The following MLLT10 variants were observed in gnomAD, a reference collection of about 807,000 sequenced individuals.
MLLT10 encodes the protein protein AF-10.
MLLT10 carries 30 observed loss-of-function variants against 129.1 expected under a neutral mutation model. That is an observed-to-expected ratio of 0.23 (90% CI 0.17 to 0.32). The LOEUF is 0.32. Among genes scored for constraint, MLLT10 ranks in the 10% least tolerant of loss-of-function variants. The pLI, the probability that MLLT10 is intolerant of heterozygous loss-of-function variation, is 1.00. For synonymous variants in MLLT10, 490 were observed against 446.4 expected, an observed-to-expected ratio of 1.10 and a Z score of -1.23; for missense variants, 1,119 against 1,268.3, an observed-to-expected ratio of 0.88 and a Z score of 1.79.
Position 21,673,386 on chromosome 10 carries a change from C to A in MLLT10, c.1088C>A (p.Ser363Tyr). Residue 363 changes from serine to tyrosine, a missense_variant, in exon 11 of 23, where the codon TCT becomes TAT. Transcript: ENST00000307729. ...GGAACTCCAGGCAGTGTAAAGTCAT[C>A]TTCTGGAAGTTCAGTGCAGTCTCCC... ...FSGTPGSVKS[S>Y]SGSSVQSPQD... 2 of 1,338,312 alleles carry A rather than the reference C, an allele frequency of 1.5e-6. No individual in the cohort carries two copies. Among genetic ancestry groups the A allele is most frequent in the Non-Finnish European group, 2.0e-6 (2 of 1,021,644 alleles). 82.9% of individuals were successfully genotyped at this position (1,338,312 alleles called of 1,614,324 possible). A position where few individuals can be genotyped will look rare whatever the true frequency, so the allele number is the denominator to read the frequency against.
upstream of MLLT10, chr10:21,534,114 G>A (rs1415301221): frequency 6.8e-6 from 2 of 294,994 alleles, no homozygotes; most frequent in Non-Finnish European, 6.3e-6. Flanking sequence ...GGCGAGCGGC[G>A]CGGGGGAGGG....
chr10:21,664,486 A>G (rs1276764400), intron 9 of MLLT10, among the ~76,000 whole-genome samples: 1 of 151,706 alleles, frequency 6.6e-6, no homozygotes, highest in African/African-American at 2.4e-5. Flanking sequence ...TAGTAGGGAC[A>G]GGGTTTCACC....
At chr10:21,586,716 G>A (rs1018795399) in intron 4 of MLLT10, among the ~76,000 whole-genome samples, 8 of 151,952 alleles carry the variant, frequency 5.3e-5, no homozygotes, top group Non-Finnish European at 1.2e-4. Flanking sequence ...GTGAAACCTG[G>A]TTTCTACTAA....
chr10:21,682,115 A>G, intron 12 of MLLT10, 110 bp from the exon 13 acceptor site: 4 of 813,386 alleles, frequency 4.9e-6, no homozygotes, highest in South Asian at 3.9e-5. Context: ...ACAATGATAT[A>G]TGATAGACTT....
intron 13 of MLLT10, among the ~76,000 whole-genome samples, chr10:21,685,057 A>G (rs1172535068): frequency 6.6e-6 from 1 of 151,770 alleles, no homozygotes; most frequent in Admixed American, 6.6e-5. Context: ...GGGTTCTCAT[A>G]TGTGATGTTC....
At chr10:21,551,730 GT>G in intron 3 of MLLT10, 1 of 350,886 alleles carries the variant, frequency 2.8e-6, no homozygotes, top group Non-Finnish European at 5.4e-6. Flanking sequence ...TATGGTATCT[GT>G]TTATTCTGTT....
In MLLT10 at chr10:21,723,290, A is replaced by T. The variant is rs1413794475; in HGVS notation, c.1879-2954A>T. Among the ~76,000 whole-genome samples, 3 of 152,192 alleles carry T rather than the reference A, an allele frequency of 2.0e-5. No individual in the cohort carries two copies. The East Asian group carries it at 5.8e-4, about 29-fold the overall frequency. ...ATAATTCAGAGACTAGATCAAGAAA[A>T]TGCCACCCCTCTGAAATTTGAAGCT... On this transcript the variant is annotated intron_variant, in intron 14 of 22. Transcript: ENST00000307729.
intron 3 of MLLT10, among the ~76,000 whole-genome samples, chr10:21,576,545 T>C (rs2040771393): frequency 6.6e-6 from 1 of 151,960 alleles, no homozygotes; most frequent in African/African-American, 2.4e-5. Context: ...GGCCATTCCA[T>C]TTACTTTTGA....
chr10:21,662,634 T>C (rs1016899772), intron 9 of MLLT10, among the ~76,000 whole-genome samples: 2 of 152,210 alleles, frequency 1.3e-5, no homozygotes, highest in African/African-American at 4.8e-5. Context: ...ATATTAATTA[T>C]AGATTTCAAA....
intron 2 of MLLT10, among the ~76,000 whole-genome samples, chr10:21,538,154 ATTT>A (rs747900217): frequency 2.3e-5 from 3 of 132,736 alleles, no homozygotes; most frequent in Admixed American, 7.6e-5. Flanking sequence ...TGCCCAGCTA[ATTT>A]TTTTTTTTTT....
chr10:21,604,980 G>A lies in MLLT10; in HGVS notation c.406-7368G>A, dbSNP rs138859515. The stretch of plus-strand genomic sequence containing the variant: ...GATGAGCTTACATTCTGATAAGGCA[G>A]GAGTATTATTTGAGTCCAGGAGTTT... On this transcript the variant is annotated intron_variant, in intron 5 of 22. Coordinates refer to ENST00000307729, the MANE Select transcript of MLLT10 (RefSeq NM_001195626.3). Among the ~76,000 whole-genome samples, 358 of 151,266 alleles carry A rather than the reference G, an allele frequency of 2.4e-3. 1 individual carries two copies. The highest frequency in any genetic ancestry group is 4.2e-3 in the Non-Finnish European group (282 of 67,894).
At chr10:21,636,118 T>TTTG (rs942457642) in intron 8 of MLLT10, among the ~76,000 whole-genome samples, 4 of 151,846 alleles carry the variant, frequency 2.6e-5, no homozygotes, top group East Asian at 1.9e-4. Context: ...TTGCATGGGT[T>TTTG]TTGTTGTTGT....
At position 21,592,817 on chromosome 10, in the gene MLLT10, A is replaced by G. The variant is rs566775254; in HGVS notation, c.296-2514A>G. Among the ~76,000 whole-genome samples the G allele has an allele frequency of 2.6e-5, 4 of 152,188 alleles. No individual in the cohort carries two copies. The South Asian group carries it at 8.3e-4, about 32-fold the overall frequency. On this transcript the variant is annotated intron_variant, in intron 4 of 22. Coordinates refer to ENST00000307729, the MANE Select transcript of MLLT10 (RefSeq NM_001195626.3). ...TGTATGTCTTTATTTACTCTGATTT[A>G]TAGTGGTTCTTCAGTCAGTGGCTTT...
At chr10:21,616,802 T>G (rs1334326416) in intron 7 of MLLT10, among the ~76,000 whole-genome samples, 1 of 152,030 alleles carries the variant, frequency 6.6e-6, no homozygotes, top group Non-Finnish European at 1.5e-5. Context: ...ATTTTCTCTT[T>G]GTATTGAAAC....
chr10:21,620,234 T>C (rs1173336817), intron 8 of MLLT10, among the ~76,000 whole-genome samples: 1 of 152,176 alleles, frequency 6.6e-6, no homozygotes, highest in Non-Finnish European at 1.5e-5. Context: ...GGCCCCTCTT[T>C]TAAAATTTTT....
chr10:21,721,784 C>T (rs1320751523), intron 14 of MLLT10, among the ~76,000 whole-genome samples: 1 of 152,048 alleles, frequency 6.6e-6, no homozygotes, highest in Non-Finnish European at 1.5e-5. Flanking sequence ...GACACCTGAA[C>T]ATATATTGTT....
At chr10:21,609,264 C>G (rs992364846) in intron 5 of MLLT10, among the ~76,000 whole-genome samples, 2 of 152,306 alleles carry the variant, frequency 1.3e-5, no homozygotes, top group Non-Finnish European at 2.9e-5. Flanking sequence ...GTTGTTTAGA[C>G]ACTATTTTCC....
chr10:21,586,454 T>C, intron 4 of MLLT10, 106 bp downstream of exon 4: 2 of 914,450 alleles, frequency 2.2e-6, no homozygotes, highest in South Asian at 3.1e-5. Flanking sequence ...AACAGCGTTT[T>C]CTACTCATTT....
intron 3 of MLLT10, among the ~76,000 whole-genome samples, chr10:21,574,987 A>G (rs2040584099): frequency 6.6e-6 from 1 of 151,988 alleles, no homozygotes; most frequent in Admixed American, 6.6e-5. Context: ...CAGCCTTATG[A>G]TTTCCCCAGC....
Sources: gnomAD v4.1 joint callset for allele counts (sites outside exome capture counted in the v4.1 genomes callset) on GRCh38, gnomAD v4.1.1 for gene constraint, MANE v1.5 for transcripts, NCBI Gene and HGNC (gene_info 2026-07-23, HGNC 2026-07-21) for gene names.